The following ZBTB16 variants were observed in gnomAD, a reference collection of about 807,000 sequenced individuals.
The protein encoded by ZBTB16 is zinc finger and BTB domain containing 16.
A neutral mutation model predicts 56.8 loss-of-function variants in ZBTB16; 8 were observed. The observed-to-expected ratio is 0.14, with a 90% confidence interval of 0.08 to 0.25. The LOEUF (loss-of-function observed/expected upper bound fraction) is 0.25. Among genes scored for constraint, ZBTB16 ranks in the 10% least tolerant of loss-of-function variants. The pLI, the probability that ZBTB16 is intolerant of heterozygous loss-of-function variation, is 1.00. For synonymous variants in ZBTB16, 363 were observed against 368.5 expected, an observed-to-expected ratio of 0.98 and a Z score of 0.17; for missense variants, 625 against 903.0, an observed-to-expected ratio of 0.69 and a Z score of 3.95.
At chr11:114,203,364 TTAGA>T (rs1943778517) in intron 4 of ZBTB16, among the ~76,000 whole-genome samples, 1 of 152,074 alleles carries the variant, frequency 6.6e-6, no homozygotes, top group South Asian at 2.1e-4. Context: ...TATTCTGGAA[TTAGA>T]TAGTGGTGGT....
chr11:114,236,363 C>A (rs1345344075), intron 4 of ZBTB16, among the ~76,000 whole-genome samples: 2 of 152,216 alleles, frequency 1.3e-5, no homozygotes, highest in East Asian at 3.8e-4. Context: ...GATCACAAAT[C>A]CAAGAAGGGC....
intron 2 of ZBTB16, among the ~76,000 whole-genome samples, chr11:114,088,449 T>A (rs1393578945): frequency 6.6e-6 from 1 of 152,024 alleles, no homozygotes; most frequent in Non-Finnish European, 1.5e-5. Context: ...GCCTGGATCT[T>A]TTATTGTTTG....
chr11:114,179,204 G>C (rs1471360817), intron 3 of ZBTB16, among the ~76,000 whole-genome samples: 1 of 152,106 alleles, frequency 6.6e-6, no homozygotes, highest in Non-Finnish European at 1.5e-5. Flanking sequence ...CCCTGAATCT[G>C]TGTATCTTCC....
intron 4 of ZBTB16, among the ~76,000 whole-genome samples, chr11:114,208,837 G>C: frequency 6.6e-6 from 1 of 152,228 alleles, no homozygotes; most frequent in Non-Finnish European, 1.5e-5. Context: ...CAGTAATTAA[G>C]TATTCAGTGT....
chr11:114,175,548 C>T (rs1285221028), intron 3 of ZBTB16, among the ~76,000 whole-genome samples: 4 of 152,110 alleles, frequency 2.6e-5, no homozygotes, highest in East Asian at 3.9e-4. Flanking sequence ...CCTCCTCTCC[C>T]GGGTTCAAAT....
At chr11:114,172,978 C>A (rs1943009539) in intron 3 of ZBTB16, among the ~76,000 whole-genome samples, 1 of 152,102 alleles carries the variant, frequency 6.6e-6, no homozygotes, top group Non-Finnish European at 1.5e-5. Flanking sequence ...GAATTTTGAG[C>A]CTGCAAATGT....
chr11:114,215,662 G>A (rs1944080843), intron 4 of ZBTB16, among the ~76,000 whole-genome samples: 1 of 152,246 alleles, frequency 6.6e-6, no homozygotes, highest in Non-Finnish European at 1.5e-5. Context: ...TTGCAAAGAT[G>A]TTCCTAAGAG....
At chr11:114,230,628 C>G (rs1268104850) in intron 4 of ZBTB16, among the ~76,000 whole-genome samples, 1 of 17,196 alleles carries the variant, frequency 5.8e-5, no homozygotes, top group Non-Finnish European at 1.3e-4. Flanking sequence ...TAATCATCTT[C>G]TGTGGGGGGG....
rs191426145 is a variant in ZBTB16, at chr11:114,117,953, G to A, written c.1269-38384G>A. ...AGATATTTTCCTTAGGTCTGGGTTC[G>A]TGAGCTATAAACTCTTCCCTTGCTC... On this transcript the variant is annotated intron_variant, in intron 2 of 6. Coordinates refer to ENST00000335953, the MANE Select transcript of ZBTB16 (RefSeq NM_006006.6). 1.8e-4 allele frequency among the ~76,000 whole-genome samples: 27 copies of A among 152,234 alleles called. No homozygotes were observed. In the East Asian group the frequency reaches 4.6e-3, roughly 26 times the overall value.
intron 2 of ZBTB16, among the ~76,000 whole-genome samples, chr11:114,097,478 A>G (rs1191939846): frequency 3.9e-5 from 6 of 152,236 alleles, no homozygotes; most frequent in Non-Finnish European, 5.9e-5. Flanking sequence ...TAGTTTTACT[A>G]CAATAAAAAT....
At chr11:114,190,422 G>C (rs1291947832) in intron 4 of ZBTB16, among the ~76,000 whole-genome samples, 1 of 152,122 alleles carries the variant, frequency 6.6e-6, no homozygotes, top group Admixed American at 6.5e-5. Flanking sequence ...TTAGCCAACA[G>C]TTGGGTAAAA....
chr11:114,163,325 G>A (rs1235880415), intron 3 of ZBTB16, among the ~76,000 whole-genome samples: 7 of 151,260 alleles, frequency 4.6e-5, no homozygotes, highest in Non-Finnish European at 2.9e-5. Context: ...CTGATTCACA[G>A]CCAGAGTATT....
At chr11:114,104,816 G>A (rs1940732268) in intron 2 of ZBTB16, among the ~76,000 whole-genome samples, 1 of 152,126 alleles carries the variant, frequency 6.6e-6, no homozygotes, top group Non-Finnish European at 1.5e-5. Context: ...CTTCTTTCTG[G>A]TACCAAAGAG....
chr11:114,249,181 G>A lies in ZBTB16; in HGVS notation c.1793-1145G>A, dbSNP rs2846018. 6.5e-3 allele frequency among the ~76,000 whole-genome samples: 971 copies of A among 149,112 alleles called. 6 individuals are homozygous for A. The highest frequency in any genetic ancestry group is 0.011 in the Non-Finnish European group (711 of 67,190). ...CTTAGCGGTTTTAGCAGGATAGGCCGGGTGGGGGAGCTCATGCCTATAATC... is the reference window on the plus strand; with the variant it reads ...CTTAGCGGTTTTAGCAGGATAGGCCAGGTGGGGGAGCTCATGCCTATAATC... On this transcript the variant is annotated intron_variant, in intron 6 of 6. Coordinates refer to ENST00000335953, the MANE Select transcript of ZBTB16 (RefSeq NM_006006.6).
chr11:114,092,878 G>C (rs1343368926), intron 2 of ZBTB16, among the ~76,000 whole-genome samples: 1 of 152,080 alleles, frequency 6.6e-6, no homozygotes, highest in Non-Finnish European at 1.5e-5. Flanking sequence ...CCTGGCTCTT[G>C]AGGGTTCTTT....
intron 4 of ZBTB16, chr11:114,209,248 C>A: frequency 2.6e-6 from 1 of 382,366 alleles, no homozygotes; most frequent in Non-Finnish European, 3.6e-6. Context: ...CTTTGGGGTG[C>A]ACTTATTTTG....
rs552316073 is a variant in ZBTB16, at chr11:114,063,777, G to A, written c.477G>A (p.Ser159=). The A allele has an allele frequency of 1.7e-5, 27 of 1,614,082 alleles. No homozygotes were observed. The South Asian group carries it at 2.5e-4, about 15-fold the overall frequency. The change falls in exon 2 of 7, where the codon TCG becomes TCA. Residue 159 remains serine (S), a synonymous_variant. Coordinates refer to ENST00000335953, the MANE Select transcript of ZBTB16 (RefSeq NM_006006.6). This position sits in a 1 kb window ranked among gnomAD's most constrained non-coding sequence, Gnocchi z 6.5. ...GGTACCTCAAGAACATCTTCATCTC[G>A]AAGCATTCCAGCGAGGAGAGTGGGT... ...KARYLKNIFI[S]KHSSEESGYA...
intron 2 of ZBTB16, among the ~76,000 whole-genome samples, chr11:114,139,808 A>G (rs1361492843): frequency 1.3e-5 from 2 of 152,282 alleles, no homozygotes; most frequent in East Asian, 3.9e-4. Flanking sequence ...ATATTCACGC[A>G]AAGAATCTGT....
chr11:114,101,391 A>G (rs1940603745), intron 2 of ZBTB16, among the ~76,000 whole-genome samples: 1 of 152,202 alleles, frequency 6.6e-6, no homozygotes, highest in Admixed American at 6.5e-5. Flanking sequence ...TTTATGATCC[A>G]GCCTTCCCTG....
Sources: gnomAD v4.1 joint callset for allele counts (sites outside exome capture counted in the v4.1 genomes callset) on GRCh38, gnomAD v4.1.1 for gene constraint, Gnocchi (gnomAD v3.1) non-coding constraint, MANE v1.5 for transcripts, NCBI Gene and HGNC (gene_info 2026-07-23, HGNC 2026-07-21) for gene names.